The following TSPOAP1 variants were observed in gnomAD, a reference collection of about 807,000 sequenced individuals.
TSPOAP1 encodes the protein TSPO associated protein 1, also known as peripheral-type benzodiazepine receptor-associated protein 1.
In TSPOAP1, 87 loss-of-function variants were observed where a neutral mutation model predicts 197.0. The observed-to-expected ratio is 0.44, with a 90% CI of 0.37 to 0.53. TSPOAP1 has a LOEUF of 0.53. Among genes scored for constraint, TSPOAP1 ranks in the 20% least tolerant of loss-of-function variants. The pLI, the probability that TSPOAP1 is intolerant of heterozygous loss-of-function variation, is 0.00. For synonymous variants in TSPOAP1, 913 were observed against 998.9 expected (o/e 0.91, Z 1.62); for missense variants, 2,174 against 2,411.3 (o/e 0.90, Z 2.06).
chr17:58,313,450 A>C (rs2044771258), intron 16 of TSPOAP1, among the ~76,000 whole-genome samples: 1 of 151,958 alleles, frequency 6.6e-6, no homozygotes, highest in South Asian at 2.1e-4. Context: ...CAATCTCTAC[A>C]AAAAATGCAA....
In TSPOAP1 at chr17:58,323,529, T is replaced by C. The variant is rs1290416352; in HGVS notation, c.959A>G (p.Asp320Gly). Residue 320 changes from aspartate to glycine, a missense_variant, in exon 6 of 32, where the codon GAT becomes GGT. Physicochemically the swap from Asp to Gly is moderately conservative, Grantham distance 94. Around this residue, in one of 5 missense-constraint regions of TSPOAP1, gnomAD observed 1,933 missense variants for 2,139.0 expected, o/e 0.90. Transcript: ENST00000343736. ...GAPGEATPQE[D>G]ADNLPVILGE... Reference sequence around the variant, plus strand: ...TAGAATCACGGGTAGGTTGTCCGCATCCTCCTGGGGCGTGGCCTGGAAATG... The same window carrying C: ...TAGAATCACGGGTAGGTTGTCCGCACCCTCCTGGGGCGTGGCCTGGAAATG... 1 of 1,614,052 alleles carries C rather than the reference T, an allele frequency of 6.2e-7. No individual in the cohort carries two copies. The highest frequency in any genetic ancestry group is 8.5e-7 in the Non-Finnish European group (1 of 1,179,934).
chr17:58,309,832 G>C lies in TSPOAP1; in HGVS notation c.3891+135C>G. On this transcript the variant is annotated intron_variant, in intron 21 of 31. Transcript: ENST00000343736. This position sits in a 1 kb window ranked among gnomAD's most constrained non-coding sequence, Gnocchi z 5.0. Reference sequence around the variant, plus strand: ...AATCCTGGGGCACTTCCTATCTTCTGCTTAGGACAGGGCCCAGGCCACAGA... The same window carrying C: ...AATCCTGGGGCACTTCCTATCTTCTCCTTAGGACAGGGCCCAGGCCACAGA... 8.2e-7 allele frequency: 1 copy of C among 1,212,622 alleles called. No individual in the cohort carries two copies. Among genetic ancestry groups the C allele is most frequent in the Non-Finnish European group, 1.1e-6 (1 of 873,794 alleles). 75.1% of individuals were successfully genotyped at this position (1,212,622 alleles called of 1,614,324 possible). A position where few individuals can be genotyped will look rare whatever the true frequency, so the allele number is the denominator to read the frequency against.
chr17:58,304,483 G>A lies in TSPOAP1; in HGVS notation c.5545-84C>T, dbSNP rs148557307. On this transcript the variant is annotated intron_variant, in intron 30 of 31. Transcript: ENST00000343736. This position sits in a 1 kb window ranked among gnomAD's most constrained non-coding sequence, Gnocchi z 4.2. Reference sequence around the variant, plus strand: ...CCGGCCACCAGGTGGCCCTGCGCAGGGGTGGGCCCTACTCTCCAAGGCCTT... The same window carrying A: ...CCGGCCACCAGGTGGCCCTGCGCAGAGGTGGGCCCTACTCTCCAAGGCCTT... 3 of 1,123,010 alleles carry A rather than the reference G, an allele frequency of 2.7e-6. No individual in the cohort carries two copies. The African/African-American group carries it at 4.6e-5, about 17-fold the overall frequency. The allele number at this position is 1,123,010 out of a possible 1,614,324, so 69.6% of individuals were successfully genotyped here. A position where few individuals can be genotyped will look rare whatever the true frequency, so the allele number is the denominator to read the frequency against.
Position 58,328,318 on chromosome 17 carries a change from CTG to C in TSPOAP1, c.-400_-399del, listed in dbSNP as rs1971720052. 4.0e-5 allele frequency: 10 copies of C among 247,646 alleles called. No homozygotes were observed. The South Asian group carries it at 5.3e-4, about 13-fold the overall frequency. The allele number at this position is 247,646 out of a possible 1,614,324, so 15.3% of individuals were successfully genotyped here. A position where few individuals can be genotyped will look rare whatever the true frequency, so the allele number is the denominator to read the frequency against. On this transcript the variant is annotated 5_prime_UTR_variant, in exon 1 of 32. Coordinates refer to ENST00000343736, the MANE Select transcript of TSPOAP1 (RefSeq NM_004758.4). This position sits in a 1 kb window ranked among gnomAD's most constrained non-coding sequence, Gnocchi z 4.3. The stretch of plus-strand genomic sequence containing the variant: ...GTTGGGAAGATGGGTGCCCCCACTT[CTG>C]TGTGTTGAGGGGGGTGGTGCTGTGT...
At position 58,307,773 on chromosome 17, in the gene TSPOAP1, A is replaced by C; in HGVS notation, c.4832-11T>G. The C allele has an allele frequency of 6.2e-7, 1 of 1,614,076 alleles. No homozygotes were observed. The stretch of plus-strand genomic sequence containing the variant: ...GGCTCCTCGCAGGGACTGTGGAGAC[A>C]GTGGAGAGGGCGGTGACGCAGCGAG... On this transcript the variant is annotated splice_polypyrimidine_tract_variant and intron_variant, in intron 23 of 31. Coordinates refer to ENST00000343736, the MANE Select transcript of TSPOAP1 (RefSeq NM_004758.4).
chr17:58,327,329 A>ACG (rs1396637015), intron 1 of TSPOAP1, among the ~76,000 whole-genome samples: 1 of 152,196 alleles, frequency 6.6e-6, no homozygotes, highest in Non-Finnish European at 1.5e-5. Flanking sequence ...ACAGAGAGGG[A>ACG]CGGGGCAGCA....
In TSPOAP1 at chr17:58,316,445, C is replaced by G; in HGVS notation, c.1968G>C (p.Gln656His). The change falls in exon 15 of 32, where the codon CAG becomes CAC. Residue 656 changes from glutamine (Q) to histidine (H), a missense_variant. Physicochemically the swap from Gln to His is conservative, Grantham distance 24 (BLOSUM62 0). Around this residue, in one of 5 missense-constraint regions of TSPOAP1, gnomAD observed 1,933 missense variants for 2,139.0 expected, o/e 0.90. Transcript: ENST00000343736. ...PEGSRGGARI[Q>H]VFLARYSYNP... ...CCCACCTATAACGTGCTAGGAAGAC[C>G]TGGATCCTGGCTCCTCCCCGGCTGC... 1.2e-6 allele frequency: 2 copies of G among 1,613,628 alleles called. No homozygotes were observed. The highest frequency in any genetic ancestry group is 2.2e-5 in the South Asian group (2 of 91,008).
chr17:58,310,853 G>A lies in TSPOAP1; in HGVS notation c.3442C>T (p.Pro1148Ser). Residue 1148 changes from proline (P) to serine (S), a missense_variant, in exon 19 of 32, where the codon CCA becomes TCA. Physicochemically the swap from Pro to Ser is moderately conservative, Grantham distance 74 (BLOSUM62 -1). Transcript: ENST00000343736. ...CAGGGTACCTGGGAGCAAGGTGCTG[G>A]AGGGTCCTCGTGGGACCCTTTTGCC... ...EMAKGSHEDP[P>S]APCSQEEAGA... The A allele has an allele frequency of 1.3e-6, 2 of 1,548,370 alleles. No individual in the cohort carries two copies. The highest frequency in any genetic ancestry group is 1.2e-5 in the South Asian group (1 of 81,196).
Position 58,310,887 on chromosome 17 carries a change from G to C in TSPOAP1, c.3408C>G (p.Ser1136=), listed in dbSNP as rs569910314. The change falls in exon 19 of 32, where the codon TCC becomes TCG. Residue 1136 remains serine, a synonymous_variant. Transcript: ENST00000343736. ...CGTGGGACCCTTTTGCCATCTCTCT[G>C]GAAGGGCTTGCAGGGGGTGCTCCTG... The part of the protein sequence containing the change: ...EPPGAPPASP[S]REMAKGSHED... The C allele has an allele frequency of 6.5e-7, 1 of 1,542,996 alleles. No individual in the cohort carries two copies. The highest frequency in any genetic ancestry group is 1.3e-5 in the South Asian group (1 of 78,992).
intron 16 of TSPOAP1, among the ~76,000 whole-genome samples, chr17:58,314,375 ATTAAG>A (rs1302374325): frequency 6.6e-6 from 1 of 152,214 alleles, no homozygotes; most frequent in Non-Finnish European, 1.5e-5. Context: ...TGCAGATGTA[ATTAAG>A]TTAAGGATCT....
At chr17:58,308,169 G>T (rs887758719) in intron 22 of TSPOAP1, among the ~76,000 whole-genome samples, 1 of 152,236 alleles carries the variant, frequency 6.6e-6, no homozygotes, top group East Asian at 1.9e-4. Context: ...GAATGGAGTA[G>T]AGGGGACTGG....
chr17:58,308,909 T>G lies in TSPOAP1; in HGVS notation c.4363A>C (p.Ile1455Leu). The change falls in exon 22 of 32, where the codon ATT becomes CTT. Residue 1455 changes from isoleucine (I) to leucine (L), a missense_variant. Transcript: ENST00000343736. ...TCTAGTCCAGTCCTGGGGCCCTCAA[T>G]TACGGGGAGGCCACCCCTCTCCCGT... The part of the protein sequence containing the change: ...PTRERGGLPV[I>L]EGPRTGLEAS... 1 of 1,596,178 alleles carries G rather than the reference T, an allele frequency of 6.3e-7. No individual in the cohort carries two copies. The highest frequency in any genetic ancestry group is 8.5e-7 in the Non-Finnish European group (1 of 1,170,944).
Position 58,310,518 on chromosome 17 carries a change from C to A in TSPOAP1, c.3693G>T (p.Arg1231Ser), listed in dbSNP as rs969747709. 1 of 1,613,170 alleles carries A rather than the reference C, an allele frequency of 6.2e-7. No homozygotes were observed. Among genetic ancestry groups the A allele is most frequent in the African/African-American group, 1.3e-5 (1 of 74,936 alleles). The change falls in exon 20 of 32, where the codon AGG becomes AGT. Residue 1231 changes from arginine (R) to serine (S), a missense_variant. Physicochemically the swap from Arg to Ser is moderately radical, Grantham distance 110. This residue lies in a region of TSPOAP1 where 1,933 missense variants were observed against 2,139.0 expected (regional missense o/e 0.90). Transcript: ENST00000343736. ...TGTGTCCCCAAACCCCTACCTCAGC[C>A]CTGGGCCTCAGCCCAGACCCTGGGT... ...GGDPGSGLRP[R>S]AEKEDTAELG... is the part of the protein sequence containing the mutation.
At chr17:58,315,940 G>GATGGATGA (rs1971219060) in intron 16 of TSPOAP1, 83 bp downstream of exon 16, 3 of 978,332 alleles carry the variant, frequency 3.1e-6, no homozygotes, top group South Asian at 1.3e-5. Context: ...TGAATGGATG[G>GATGGATGA]ATGGATGGAT....
Position 58,327,616 on chromosome 17 carries a change from T to G in TSPOAP1, c.305A>C (p.Glu102Ala). Residue 102 changes from glutamate (E) to alanine (A), a missense_variant, in exon 1 of 32, where the codon GAG becomes GCG. Around this residue, in one of 5 missense-constraint regions of TSPOAP1, gnomAD observed 1,933 missense variants for 2,139.0 expected, o/e 0.90. Transcript: ENST00000343736. ...SSSGPACQRP[E>A]DEEVEAFLKA... ...CAGGAAAGCCTCCACTTCCTCATCC[T>G]CTGGCCTCTGGCAGGCGGGTCCAGA... is the stretch of plus-strand genomic sequence containing the variant. The G allele has an allele frequency of 1.9e-6, 3 of 1,613,342 alleles. No homozygotes were observed. Among genetic ancestry groups the G allele is most frequent in the Non-Finnish European group, 2.5e-6 (3 of 1,179,926 alleles).
chr17:58,320,894 T>G (rs1309654232), intron 10 of TSPOAP1, among the ~76,000 whole-genome samples: 1 of 152,096 alleles, frequency 6.6e-6, no homozygotes, highest in Non-Finnish European at 1.5e-5. Flanking sequence ...TGGATGCTCC[T>G]TCTCAGCCTC....
chr17:58,327,963 C>T lies in TSPOAP1; in HGVS notation c.-43G>A. 1 of 1,509,298 alleles carries T rather than the reference C, an allele frequency of 6.6e-7. No individual in the cohort carries two copies. The highest frequency in any genetic ancestry group is 8.9e-7 in the Non-Finnish European group (1 of 1,120,800). The allele number at this position is 1,509,298 out of a possible 1,614,324, so 93.5% of individuals were successfully genotyped here. On this transcript the variant is annotated 5_prime_UTR_variant, in exon 1 of 32. In the 5' UTR this introduces an upstream ATG that the reference lacks. Transcript: ENST00000343736. ...CCAGAACCCGGGCCGGGGGACATCA[C>T]CCAGCCAGGTGGGGGGACTGGCGAG...
At position 58,318,273 on chromosome 17, in the gene TSPOAP1, C is replaced by T. The variant is rs780728505; in HGVS notation, c.1872+7G>A. 6.2e-7 allele frequency: 1 copy of T among 1,613,798 alleles called. No homozygotes were observed. The highest frequency in any genetic ancestry group is 8.5e-7 in the Non-Finnish European group (1 of 1,179,706). On this transcript the variant is annotated splice_region_variant and intron_variant, in intron 14 of 31. Transcript: ENST00000343736. ...GCCAGAACTTCAGGCCCCACCCCAG[C>T]AATTACCTCAGGTGTAGGGCATGAC...
intron 15 of TSPOAP1, 92 bp from the exon 16 acceptor site, chr17:58,316,224 C>T (rs1971229691): frequency 9.7e-6 from 12 of 1,233,842 alleles, no homozygotes; most frequent in South Asian, 2.4e-5. Context: ...TGAGCCTTTA[C>T]GGAGACTTGG....
Sources: allele counts gnomAD v4.1 joint callset (sites outside exome capture counted in the v4.1 genomes callset), GRCh38; gene constraint gnomAD v4.1.1; regional missense constraint gnomAD v4.1.1; non-coding constraint Gnocchi (gnomAD v3.1); transcripts MANE v1.5; gene names NCBI Gene and HGNC (gene_info 2026-07-23, HGNC 2026-07-21).